HARS1: variants seen among roughly 807,000 people sequenced by gnomAD.
HARS1 encodes histidyl-tRNA synthetase 1, also known as histidine--tRNA ligase, cytoplasmic.
Under a neutral mutation model 63.6 loss-of-function variants are expected in HARS1, and 45 were observed. The ratio of observed to expected loss-of-function variants is 0.71; its 90% CI spans 0.56 to 0.91. The LOEUF (loss-of-function observed/expected upper bound fraction) is 0.91, where lower values mean the gene tolerates loss of function less well. Among genes scored for constraint, HARS1 ranks in the 40% least tolerant of loss-of-function variants. The probability of loss-of-function intolerance (pLI) is 0.00; values close to 1 mark genes in which losing one functional copy is unlikely to be tolerated. For synonymous variants in HARS1, 205 were observed against 247.1 expected (o/e 0.83, Z 1.60); for missense variants, 508 against 643.2 (o/e 0.79, Z 2.27).
At position 140,677,745 on chromosome 5, in the gene HARS1, A is replaced by C. The variant is rs1562008284; in HGVS notation, c.639T>G (p.Asp213Glu). ...QIGDFLVKVN[D>E]RRILDGMFAI... ...CAAACATCCCATCTAGAATGCGTCG[A>C]TCGTTTACCTGCAAGGAACCAATGC... The change falls in exon 7 of 13, where the codon GAT (aspartate) becomes GAG (glutamate). Residue 213 changes from aspartate to glutamate, a missense_variant. Transcript: ENST00000504156. The C allele has an allele frequency of 2.5e-6, 4 of 1,608,074 alleles. No homozygotes were observed. In the East Asian group the frequency reaches 8.9e-5, roughly 36 times the overall value.
chr5:140,678,356 T>A, intron 5 of HARS1: 1 of 318,548 alleles, frequency 3.1e-6, no homozygotes, highest in Admixed American at 4.7e-5. Flanking sequence ...CAAAGCTAAT[T>A]TCCTTATTCT....
At chr5:140,686,308 C>T (rs185867584) in intron 2 of HARS1, among the ~76,000 whole-genome samples, 4 of 152,182 alleles carry the variant, frequency 2.6e-5, no homozygotes, top group Non-Finnish European at 2.9e-5. Context: ...GGCGTGTTCT[C>T]GGCTCACTGC....
At chr5:140,691,099 C>T (rs528470544) in intron 1 of HARS1, 116 bp downstream of exon 1, 1 of 945,598 alleles carries the variant, frequency 1.1e-6, no homozygotes, top group Non-Finnish European at 1.6e-6. Flanking sequence ...GCAGCCCACT[C>T]TCCTCCCTAC....
intron 2 of HARS1, 36 bp downstream of exon 2, chr5:140,690,819 G>T: frequency 8.6e-7 from 1 of 1,158,708 alleles, no homozygotes; most frequent in South Asian, 1.2e-5. Context: ...TAGAGTTAGA[G>T]ACTTTCTCAG....
intron 11 of HARS1, 32 bp from the exon 12 acceptor site, chr5:140,674,857 G>A: frequency 6.2e-7 from 1 of 1,612,670 alleles, no homozygotes. Context: ...GATGAAGGCT[G>A]GCTTCTGCTG....
Position 140,683,083 on chromosome 5 carries a change from TC to T in HARS1, c.300+16del. The stretch of plus-strand genomic sequence containing the variant: ...CCCACTCATCTACCATGTAGTTTCT[TC>T]TTGCCCATTCCTCACCTTTAGTTCA... On this transcript the variant is annotated intron_variant, in intron 3 of 12. Coordinates refer to ENST00000504156, the MANE Select transcript of HARS1 (RefSeq NM_002109.6). 6.2e-7 allele frequency: 1 copy of T among 1,611,488 alleles called. No homozygotes were observed. Among genetic ancestry groups the T allele is most frequent in the South Asian group, 1.1e-5 (1 of 90,866 alleles).
rs555412930 is a variant in HARS1, at chr5:140,680,442, G to C, written c.301-559C>G. Among the ~76,000 whole-genome samples the C allele has an allele frequency of 7.5e-4, 114 of 152,204 alleles. 1 individual carries two copies. The South Asian group carries it at 0.02, about 27-fold the overall frequency. Reference sequence around the variant, plus strand: ...TTACAAGTGCGAGCCACAGCGCCCGGCCTGAAGTGTTTTTAAAAGATGCAT... The same window carrying C: ...TTACAAGTGCGAGCCACAGCGCCCGCCCTGAAGTGTTTTTAAAAGATGCAT... On this transcript the variant is annotated intron_variant, in intron 3 of 12. Coordinates refer to ENST00000504156, the MANE Select transcript of HARS1 (RefSeq NM_002109.6).
At chr5:140,675,472 C>T (rs747051039) in intron 10 of HARS1, 13 of 174,916 alleles carry the variant, frequency 7.4e-5, no homozygotes, top group African/African-American at 9.7e-5. Context: ...GTGATCACTG[C>T]AGCTTCGACC....
chr5:140,677,866 GGC>G, intron 6 of HARS1, 40 bp downstream of exon 6: 1 of 1,444,840 alleles, frequency 6.9e-7, no homozygotes, highest in Middle Eastern at 1.7e-4. Context: ...TCTTGTGAGA[GGC>G]CAGGCCCAAC....
At chr5:140,678,131 C>G in intron 5 of HARS1, 116 bp from the exon 6 acceptor site, 1 of 660,246 alleles carries the variant, frequency 1.5e-6, no homozygotes, top group South Asian at 1.7e-5. Context: ...ATTTCTCTTT[C>G]ATTTTCTGAT....
intron 2 of HARS1, among the ~76,000 whole-genome samples, chr5:140,687,161 T>C (rs1434882000): frequency 2.0e-5 from 3 of 152,210 alleles, no homozygotes; most frequent in Admixed American, 1.3e-4. Context: ...GCAGAAGTGC[T>C]TTATGTGTAC....
Position 140,679,413 on chromosome 5 carries a change from G to A in HARS1, c.397-286C>T. 1 of 415,254 alleles carries A rather than the reference G, an allele frequency of 2.4e-6. No individual in the cohort carries two copies. Among genetic ancestry groups the A allele is most frequent in the Non-Finnish European group, 4.3e-6 (1 of 232,950 alleles). The allele number at this position is 415,254 out of a possible 1,614,324, so 25.7% of individuals were successfully genotyped here. On this transcript the variant is annotated intron_variant, in intron 4 of 12. Transcript: ENST00000504156. This position sits in a 1 kb window ranked among gnomAD's most constrained non-coding sequence, Gnocchi z 4.3. ...GCCACAGACCAGAAAAAGGCGACCA[G>A]AAAAAGGCCCCCATATGGGATTTCT...
At chr5:140,674,419 G>T (rs996864279) in intron 12 of HARS1, 91 bp from the exon 13 acceptor site, 3 of 961,252 alleles carry the variant, frequency 3.1e-6, no homozygotes, top group African/African-American at 3.2e-5. Flanking sequence ...TAGGCATCAG[G>T]CTTGTCTCAG....
intron 2 of HARS1, among the ~76,000 whole-genome samples, chr5:140,686,573 T>G (rs1032966734): frequency 8.6e-5 from 13 of 151,388 alleles, no homozygotes; most frequent in Non-Finnish European, 1.3e-4. Flanking sequence ...CTGTCAAGCT[T>G]ATGATGGAAG....
Position 140,679,316 on chromosome 5 carries a change from A to T in HARS1, c.397-189T>A. 1.8e-6 allele frequency: 1 copy of T among 561,890 alleles called. No homozygotes were observed. Among genetic ancestry groups the T allele is most frequent in the Non-Finnish European group, 3.1e-6 (1 of 320,600 alleles). 34.8% of individuals were successfully genotyped at this position (561,890 alleles called of 1,614,324 possible). A position where few individuals can be genotyped will look rare whatever the true frequency, so the allele number is the denominator to read the frequency against. On this transcript the variant is annotated intron_variant, in intron 4 of 12. Coordinates refer to ENST00000504156, the MANE Select transcript of HARS1 (RefSeq NM_002109.6). This position sits in a 1 kb window ranked among gnomAD's most constrained non-coding sequence, Gnocchi z 4.3. ...CATGAGGTAGCTGAAGGCTCAAAAA[A>T]GATTAAGGCACCTTTCCCTTTTGTA...
chr5:140,681,169 T>G (rs1417152813), intron 3 of HARS1, among the ~76,000 whole-genome samples: 1 of 152,172 alleles, frequency 6.6e-6, no homozygotes, highest in Non-Finnish European at 1.5e-5. Context: ...TGTTACGGGC[T>G]GAACTGTGTC....
chr5:140,674,600 C>A, intron 12 of HARS1, 79 bp downstream of exon 12: 1 of 1,502,912 alleles, frequency 6.7e-7, no homozygotes, highest in Non-Finnish European at 9.2e-7. Flanking sequence ...CAGGCTTTTT[C>A]TCAGGTCTTG....
At chr5:140,677,267 T>C (rs1758436333) in intron 8 of HARS1, 60 bp downstream of exon 8, 9 of 1,442,732 alleles carry the variant, frequency 6.2e-6, no homozygotes, top group Non-Finnish European at 8.8e-6. Context: ...CAGAACAGTT[T>C]CAACTTTAGG....
chr5:140,684,319 C>A (rs942441565), intron 2 of HARS1: 2 of 976,624 alleles, frequency 2.0e-6, no homozygotes, highest in Non-Finnish European at 1.2e-6. Flanking sequence ...ACAAACCCAA[C>A]CAAACAAACA....
Sources: gnomAD v4.1 joint callset for allele counts (sites outside exome capture counted in the v4.1 genomes callset) on GRCh38, gnomAD v4.1.1 for gene constraint, Gnocchi (gnomAD v3.1) non-coding constraint, MANE v1.5 for transcripts, NCBI Gene and HGNC (gene_info 2026-07-23, HGNC 2026-07-21) for gene names.